Variants in SLC4A4 observed in about 807,000 individuals in gnomAD.
The protein encoded by SLC4A4 is solute carrier family 4 member 4.
In SLC4A4, 27 loss-of-function variants were observed where a neutral mutation model predicts 111.5. The ratio of observed to expected loss-of-function variants is 0.24; its 90% CI spans 0.18 to 0.33. The LOEUF is 0.33. Ranked by LOEUF, SLC4A4 falls within the 10% of genes least tolerant of loss-of-function variation. SLC4A4 has a pLI of 1.00. For synonymous variants in SLC4A4, 443 were observed against 463.4 expected (o/e 0.96, Z 0.57); for missense variants, 909 against 1,315.5 (o/e 0.69, Z 4.78).
intron 6 of SLC4A4, among the ~76,000 whole-genome samples, chr4:71,384,779 G>T (rs563583456): frequency 1.3e-5 from 2 of 150,392 alleles, no homozygotes; most frequent in Non-Finnish European, 3.0e-5. Context: ...TTTATAATTT[G>T]CTACAAAAAC....
intron 2 of SLC4A4, among the ~76,000 whole-genome samples, chr4:71,246,436 C>T (rs1361113766): frequency 6.6e-6 from 1 of 151,864 alleles, no homozygotes; most frequent in Non-Finnish European, 1.5e-5. Flanking sequence ...AGGAGAAGCA[C>T]CTGGAAGAAC....
chr4:71,227,563 A>C (rs1719131923), intron 1 of SLC4A4, among the ~76,000 whole-genome samples: 1 of 152,104 alleles, frequency 6.6e-6, no homozygotes, highest in Admixed American at 6.5e-5. Flanking sequence ...TCAGCTGTAG[A>C]TATTCCCTTT....
At chr4:71,397,337 C>T (rs931585944) in intron 6 of SLC4A4, among the ~76,000 whole-genome samples, 1 of 152,172 alleles carries the variant, frequency 6.6e-6, no homozygotes, top group Non-Finnish European at 1.5e-5. Flanking sequence ...GTTTAGCTTA[C>T]CTTGAAACTG....
chr4:71,285,091 G>A (rs1156585), intron 3 of SLC4A4, among the ~76,000 whole-genome samples: 20,844 of 152,140 alleles, frequency 0.14, 2,171 homozygotes, highest in African/African-American at 0.25. Context: ...TCAGGTGTCA[G>A]GTGCCTCAGT....
chr4:71,118,054 T>G (rs980331179), intron 2 of SLC4A4, among the ~76,000 whole-genome samples: 5 of 152,126 alleles, frequency 3.3e-5, no homozygotes, highest in African/African-American at 1.2e-4. Context: ...TTTTGTATTT[T>G]TAGCAGAGAT....
At chr4:71,168,920 T>A (rs1033035939) in intron 2 of SLC4A4, among the ~76,000 whole-genome samples, 3 of 152,234 alleles carry the variant, frequency 2.0e-5, no homozygotes, top group African/African-American at 7.2e-5. Flanking sequence ...AACATGGGCA[T>A]GCAGATATCT....
intron 3 of SLC4A4, among the ~76,000 whole-genome samples, chr4:71,337,739 A>G (rs547328013): frequency 2.6e-5 from 4 of 152,232 alleles, no homozygotes; most frequent in African/African-American, 9.6e-5. Context: ...TACCAGTAAC[A>G]TAAATCAAGA....
chr4:71,343,067 A>G (rs1729022953), intron 4 of SLC4A4, among the ~76,000 whole-genome samples: 1 of 152,202 alleles, frequency 6.6e-6, no homozygotes, highest in Non-Finnish European at 1.5e-5. Context: ...ATTTATCTGC[A>G]GAGAGACTAC....
At chr4:71,225,718 C>T (rs1319749952) in intron 1 of SLC4A4, among the ~76,000 whole-genome samples, 1 of 152,104 alleles carries the variant, frequency 6.6e-6, no homozygotes, top group East Asian at 1.9e-4. Flanking sequence ...TGTACATGAT[C>T]AGGTGCCATG....
chr4:71,098,905 C>T (rs1742636396), intron 2 of SLC4A4, among the ~76,000 whole-genome samples: 1 of 152,046 alleles, frequency 6.6e-6, no homozygotes, highest in Admixed American at 6.6e-5. Flanking sequence ...ACAAGAAAAC[C>T]TTACTACCCT....
chr4:71,111,775 C>A (rs1743096379), intron 2 of SLC4A4, among the ~76,000 whole-genome samples: 1 of 151,904 alleles, frequency 6.6e-6, no homozygotes, highest in Non-Finnish European at 1.5e-5. Flanking sequence ...TGGCTCACTG[C>A]AACCTCTGCC....
At chr4:71,082,649 A>G (rs1310574711) in intron 1 of SLC4A4, among the ~76,000 whole-genome samples, 2 of 152,062 alleles carry the variant, frequency 1.3e-5, no homozygotes, top group South Asian at 2.1e-4. Context: ...AATACCATGT[A>G]GCCACCACTT....
Position 71,472,828 on chromosome 4 carries a change from C to T in SLC4A4, c.1761C>T (p.Gly587=), listed in dbSNP as rs771177174. 1 of 1,612,896 alleles carries T rather than the reference C, an allele frequency of 6.2e-7. No individual in the cohort carries two copies. Among genetic ancestry groups the T allele is most frequent in the African/African-American group, 1.3e-5 (1 of 74,926 alleles). Residue 587 remains glycine (G), a synonymous_variant, in exon 14 of 26, where the codon GGC becomes GGT. Coordinates refer to ENST00000264485, the MANE Select transcript of SLC4A4 (RefSeq NM_001098484.3). ...VQYFTRFTEE[G]FSSLISFIFI... ...ACTTCACACGTTTCACGGAGGAGGGCTTTTCCTCTCTGATTAGCTTCATCT... is the reference window on the plus strand; with the variant it reads ...ACTTCACACGTTTCACGGAGGAGGGTTTTTCCTCTCTGATTAGCTTCATCT...
intron 6 of SLC4A4, among the ~76,000 whole-genome samples, chr4:71,381,743 G>C (rs367969848): frequency 3.3e-5 from 5 of 152,010 alleles, no homozygotes; most frequent in African/African-American, 7.2e-5. Context: ...TTGGAGACAC[G>C]TCTCGCTGTG....
chr4:71,309,130 C>A (rs1196046333), intron 3 of SLC4A4, among the ~76,000 whole-genome samples: 1 of 152,198 alleles, frequency 6.6e-6, no homozygotes, highest in African/African-American at 2.4e-5. Flanking sequence ...CACAGCACAG[C>A]AAAGTGGCTG....
intron 1 of SLC4A4, among the ~76,000 whole-genome samples, chr4:71,079,267 G>A (rs1741926423): frequency 6.6e-6 from 1 of 152,150 alleles, no homozygotes; most frequent in African/African-American, 2.4e-5. Context: ...TTTGGGGTCT[G>A]GTAATGGCCA....
intron 16 of SLC4A4, among the ~76,000 whole-genome samples, chr4:71,507,781 A>G (rs1731550694): frequency 6.6e-6 from 1 of 152,222 alleles, no homozygotes; most frequent in African/African-American, 2.4e-5. Context: ...CCAAAACAAC[A>G]GAATATACTT....
At chr4:71,089,160 C>A (rs1656394346) in intron 1 of SLC4A4, among the ~76,000 whole-genome samples, 1 of 151,978 alleles carries the variant, frequency 6.6e-6, no homozygotes, top group Non-Finnish European at 1.5e-5. Flanking sequence ...GATCTTGCAT[C>A]ACTGATACCC....
chr4:71,488,815 T>A (rs947777092), intron 15 of SLC4A4, among the ~76,000 whole-genome samples: 5 of 151,358 alleles, frequency 3.3e-5, no homozygotes, highest in Non-Finnish European at 7.4e-5. Context: ...TTCATATGCA[T>A]CAATTGCATA....
Sources: allele counts gnomAD v4.1 joint callset (sites outside exome capture counted in the v4.1 genomes callset), GRCh38; gene constraint gnomAD v4.1.1; transcripts MANE v1.5; gene names NCBI Gene and HGNC (gene_info 2026-07-23, HGNC 2026-07-21).